Variants in DCP1A observed in about 807,000 individuals in gnomAD.
DCP1A encodes mRNA-decapping enzyme 1A.
Under a neutral mutation model 58.0 loss-of-function variants are expected in DCP1A, and 20 were observed. That is an observed-to-expected ratio of 0.34 (90% CI 0.24 to 0.50). The LOEUF is 0.50. Ranked by LOEUF, DCP1A falls within the 20% of genes least tolerant of loss-of-function variation. The pLI is 0.98. For missense variants in DCP1A, 613 were observed against 712.2 expected, an observed-to-expected ratio of 0.86 and a Z score of 1.59; for synonymous variants, 285 against 275.1, an observed-to-expected ratio of 1.04 and a Z score of -0.36.
intron 7 of DCP1A, 30 bp downstream of exon 7, chr3:53,292,039 C>G (rs782046290): frequency 1.3e-6 from 2 of 1,579,224 alleles, no homozygotes; most frequent in Non-Finnish European, 1.7e-6. Flanking sequence ...CAGTTACCCA[C>G]TCTGCCCACC....
At chr3:53,346,835 T>A (rs1553693199) in intron 1 of DCP1A, among the ~76,000 whole-genome samples, 1 of 152,074 alleles carries the variant, frequency 6.6e-6, no homozygotes, top group African/African-American at 2.4e-5. Context: ...TTTCCGAAAC[T>A]CTGTGTAGTT....
At chr3:53,336,387 G>A (rs149593105) in intron 3 of DCP1A, among the ~76,000 whole-genome samples, 21 of 152,200 alleles carry the variant, frequency 1.4e-4, no homozygotes, top group African/African-American at 4.8e-4. Flanking sequence ...GATTTCAGGC[G>A]TGAGCCACCG....
Position 53,284,342 on chromosome 3 carries a change from G to C in DCP1A, c.*3238C>G, listed in dbSNP as rs1295031430. On this transcript the variant is annotated 3_prime_UTR_variant, in exon 10 of 10. Transcript: ENST00000610213. ...AGAAAATTTCAAACTACATTCTTTG[G>C]GGGAGGAGAGTAATAAAGCTGCATG... 19 of 152,072 alleles carry C rather than the reference G, an allele frequency of 1.2e-4. No homozygotes were observed. 9.4% of individuals were successfully genotyped at this position (152,072 alleles called of 1,614,324 possible).
At chr3:53,297,670 T>C (rs1260183503) in intron 6 of DCP1A, among the ~76,000 whole-genome samples, 7 of 152,200 alleles carry the variant, frequency 4.6e-5, no homozygotes, top group East Asian at 1.9e-4. Context: ...CTAATTCTTA[T>C]TAATGCAAAT....
rs1553692976 is a variant in DCP1A at position 53,344,905 on chromosome 3, C to T, written c.173G>A (p.Arg58Gln). 3.1e-6 allele frequency: 5 copies of T among 1,599,778 alleles called. No homozygotes were observed. The highest frequency in any genetic ancestry group is 1.3e-5 in the African/African-American group (1 of 74,498). ...TATACATATTTTAAAAACTTACCTTCGATATACGAATAAGGTCCCTTCTAT... is the reference window on the plus strand; with the variant it reads ...TATACATATTTTAAAAACTTACCTTTGATATACGAATAAGGTCCCTTCTAT... ...TDIEGTLFVY[R>Q]RSASPYHGFT... Residue 58 changes from arginine to glutamine, a missense_variant, in exon 2 of 10, where the codon CGA becomes CAA. By Grantham distance (43) the Arg-to-Gln change is conservative. Transcript: ENST00000610213.
At chr3:53,293,318 A>G (rs766238733) in intron 6 of DCP1A, among the ~76,000 whole-genome samples, 1 of 152,230 alleles carries the variant, frequency 6.6e-6, no homozygotes, top group Non-Finnish European at 1.5e-5. Flanking sequence ...CTTAGTCCCT[A>G]GTCACAGAAT....
intron 3 of DCP1A, among the ~76,000 whole-genome samples, chr3:53,340,285 T>C (rs1221881148): frequency 2.6e-5 from 4 of 152,204 alleles, no homozygotes; most frequent in African/African-American, 7.2e-5. Context: ...AATAATTACA[T>C]TGTTAACATT....
At chr3:53,331,327 T>G (rs2088995156) in intron 3 of DCP1A, among the ~76,000 whole-genome samples, 1 of 152,242 alleles carries the variant, frequency 6.6e-6, no homozygotes, top group African/African-American at 2.4e-5. Context: ...TGTTTGCTTT[T>G]GCAAGTCACG....
intron 7 of DCP1A, 113 bp from the exon 8 acceptor site, chr3:53,290,969 A>T: frequency 1.1e-6 from 1 of 940,962 alleles, no homozygotes; most frequent in Non-Finnish European, 1.6e-6. Flanking sequence ...TAGTAACAGA[A>T]AATGGTTCAG....
At chr3:53,343,410 C>T (rs377648532) in intron 2 of DCP1A, among the ~76,000 whole-genome samples, 20 of 152,236 alleles carry the variant, frequency 1.3e-4, no homozygotes, top group African/African-American at 4.8e-4. Context: ...TATAAGCCTC[C>T]GTGAATTGTA....
At chr3:53,320,095 T>A (rs1707919240) in intron 3 of DCP1A, among the ~76,000 whole-genome samples, 1 of 151,066 alleles carries the variant, frequency 6.6e-6, no homozygotes, top group African/African-American at 2.4e-5. Context: ...GCCACTGCAC[T>A]CCAGCCTAGG....
intron 1 of DCP1A, among the ~76,000 whole-genome samples, chr3:53,346,152 C>A (rs1279964345): frequency 6.6e-6 from 1 of 151,788 alleles, no homozygotes; most frequent in Non-Finnish European, 1.5e-5. Flanking sequence ...ATATATAGGC[C>A]AAGAAAAGAA....
intron 5 of DCP1A, among the ~76,000 whole-genome samples, chr3:53,310,245 T>C (rs969517258): frequency 6.6e-6 from 1 of 152,248 alleles, no homozygotes; most frequent in Non-Finnish European, 1.5e-5. Context: ...ACAGAAACTA[T>C]CATGCTATCT....
In DCP1A at chr3:53,319,391, G is replaced by A; in HGVS notation, c.371+16C>T. On this transcript the variant is annotated intron_variant, in intron 4 of 9. Transcript: ENST00000610213. The stretch of plus-strand genomic sequence containing the variant: ...CTCACATATCATCAGTTAAATTTAT[G>A]GAGTAATATACTTACTCAGCCATGA... The A allele has an allele frequency of 6.9e-7, 1 of 1,454,706 alleles. No individual in the cohort carries two copies. The highest frequency in any genetic ancestry group is 9.4e-7 in the Non-Finnish European group (1 of 1,067,268). 90.1% of individuals were successfully genotyped at this position (1,454,706 alleles called of 1,614,324 possible).
intron 6 of DCP1A, among the ~76,000 whole-genome samples, chr3:53,297,104 T>C (rs1004921529): frequency 3.3e-5 from 5 of 152,104 alleles, no homozygotes; most frequent in African/African-American, 9.7e-5. Flanking sequence ...TCCATTTTAA[T>C]GATATTAGCC....
At chr3:53,322,306 G>A (rs1707990762) in intron 3 of DCP1A, among the ~76,000 whole-genome samples, 1 of 152,002 alleles carries the variant, frequency 6.6e-6, no homozygotes. Flanking sequence ...ACAAAAAGTA[G>A]CCAGGCGTGG....
intron 4 of DCP1A, among the ~76,000 whole-genome samples, chr3:53,316,618 T>A (rs959916361): frequency 4.5e-4 from 43 of 96,192 alleles, no homozygotes; most frequent in Admixed American, 6.7e-4. Flanking sequence ...TTTTTTTTTT[T>A]AATTAAACAG....
intron 3 of DCP1A, among the ~76,000 whole-genome samples, chr3:53,330,857 ATTT>A (rs35396974): frequency 6.4e-5 from 6 of 93,566 alleles, no homozygotes; most frequent in Admixed American, 2.6e-4. Context: ...AGTATATGTA[ATTT>A]TTTTTTTTTT....
chr3:53,333,638 T>TA (rs35601832), intron 3 of DCP1A, among the ~76,000 whole-genome samples: 1,858 of 146,996 alleles, frequency 0.013, 20 homozygotes, highest in Middle Eastern at 0.031. Flanking sequence ...CCCTAACTCT[T>TA]AAAAAAAAAA....
Sources: gnomAD v4.1 joint callset for allele counts (sites outside exome capture counted in the v4.1 genomes callset) on GRCh38, gnomAD v4.1.1 for gene constraint, MANE v1.5 for transcripts, NCBI Gene and HGNC (gene_info 2026-07-23, HGNC 2026-07-21) for gene names.